Variants in ARHGEF1 observed in about 807,000 individuals in gnomAD.
ARHGEF1 encodes the protein 115 kDa guanine nucleotide exchange factor.
In ARHGEF1, 40 loss-of-function variants were observed where a neutral mutation model predicts 119.7. That is an observed-to-expected ratio of 0.33 (90% confidence interval 0.26 to 0.44). The LOEUF (loss-of-function observed/expected upper bound fraction) is 0.44. Ranked by LOEUF, ARHGEF1 falls within the 20% of genes least tolerant of loss-of-function variation. ARHGEF1 has a pLI of 1.00. For synonymous variants in ARHGEF1, 494 were observed against 521.0 expected (o/e 0.95, Z 0.71); for missense variants, 976 against 1,268.3 (o/e 0.77, Z 3.50).
At chr19:41,924,637 C>T (rs1277179687) in intron 1 of ARHGEF1, among the ~76,000 whole-genome samples, 1 of 152,050 alleles carries the variant, frequency 6.6e-6, no homozygotes, top group African/African-American at 2.4e-5. Flanking sequence ...ATACCTGGAC[C>T]AGGTGTTTCT....
Position 41,892,958 on chromosome 19 carries a change from G to A in ARHGEF1, c.614+109G>A. ...TGCAGGTTCCCTCTTCAGGGTCAGA[G>A]TTCATTTCTTGGCACTGGGGGTCTT... On this transcript the variant is annotated intron_variant, in intron 7 of 28. Coordinates refer to ENST00000354532, the MANE Select transcript of ARHGEF1 (RefSeq NM_004706.4). This position sits in a 1 kb window ranked among gnomAD's most constrained non-coding sequence, Gnocchi z 6.3. The A allele has an allele frequency of 7.1e-7, 1 of 1,406,408 alleles. No homozygotes were observed. Among genetic ancestry groups the A allele is most frequent in the Non-Finnish European group, 9.3e-7 (1 of 1,075,862 alleles). 87.1% of individuals were successfully genotyped at this position (1,406,408 alleles called of 1,614,324 possible).
chr19:41,915,463 C>T (rs2074795249), intron 18 of ARHGEF1, among the ~76,000 whole-genome samples: 1 of 151,892 alleles, frequency 6.6e-6, no homozygotes, highest in African/African-American at 2.4e-5. Flanking sequence ...GTTCCCACGT[C>T]GTCTCCACTT....
chr19:41,922,354 G>A (rs2074847405), upstream of ARHGEF1, among the ~76,000 whole-genome samples: 1 of 152,198 alleles, frequency 6.6e-6, no homozygotes, highest in African/African-American at 2.4e-5. Context: ...GGACAGAAAT[G>A]AGGAGGGCAA....
intron 14 of ARHGEF1, among the ~76,000 whole-genome samples, chr19:41,899,043 A>C (rs886573628): frequency 3.9e-5 from 6 of 152,194 alleles, no homozygotes; most frequent in African/African-American, 1.4e-4. Flanking sequence ...CTCAGGCTGG[A>C]GTGCAGTGGC....
chr19:41,913,164 T>G (rs1284487437), intron 18 of ARHGEF1, among the ~76,000 whole-genome samples: 1 of 145,332 alleles, frequency 6.9e-6, no homozygotes, highest in Non-Finnish European at 1.5e-5. Flanking sequence ...TCCCGCAGCC[T>G]CCTCCTCACT....
downstream of ARHGEF1, chr19:41,908,587 T>G: frequency 8.1e-7 from 1 of 1,231,334 alleles, no homozygotes. This position sits in a 1 kb window ranked among gnomAD's most constrained non-coding sequence, Gnocchi z 6.7. Context: ...AAGGGGCCCG[T>G]GAGGTACGGG....
In ARHGEF1 at chr19:41,917,073, C is replaced by T. The variant is rs1555852023; in HGVS notation, c.1866-6019C>T. Among the ~76,000 whole-genome samples, 2 of 152,150 alleles carry T rather than the reference C, an allele frequency of 1.3e-5. No individual in the cohort carries two copies. Among genetic ancestry groups the T allele is most frequent in the African/African-American group, 2.4e-5 (1 of 41,432 alleles). On this transcript the variant is annotated intron_variant, in intron 18 of 20. Coordinates refer to the ARHGEF1 transcript ENST00000599589. The surrounding 1 kb of genome is among the most constrained non-coding windows in gnomAD (Gnocchi z 4.8). The stretch of plus-strand genomic sequence containing the variant: ...TGTCTCAGACCTGCTTCTGTGACTG[C>T]CTCTCGAGACACAGGTCTCTCGGTC...
chr19:41,888,423 C>A lies in ARHGEF1; in HGVS notation c.111+145C>A. On this transcript the variant is annotated intron_variant, in intron 3 of 28. Coordinates refer to ENST00000354532, the MANE Select transcript of ARHGEF1 (RefSeq NM_004706.4). This position sits in a 1 kb window ranked among gnomAD's most constrained non-coding sequence, Gnocchi z 5.1. Reference sequence around the variant, plus strand: ...CTCCCTGGTACCTCCTTCCTCACCTCGCCGACCCCACACAGCAGCATAGAC... The same window carrying A: ...CTCCCTGGTACCTCCTTCCTCACCTAGCCGACCCCACACAGCAGCATAGAC... The A allele has an allele frequency of 1.3e-6, 1 of 786,180 alleles. No individual in the cohort carries two copies. The highest frequency in any genetic ancestry group is 2.0e-6 in the Non-Finnish European group (1 of 490,316). 48.7% of individuals were successfully genotyped at this position (786,180 alleles called of 1,614,324 possible).
Position 41,905,103 on chromosome 19 carries a change from G to A in ARHGEF1, c.2249+67G>A, listed in dbSNP as rs1408767742. 6 of 1,610,462 alleles carry A rather than the reference G, an allele frequency of 3.7e-6. No homozygotes were observed. Among genetic ancestry groups the A allele is most frequent in the Non-Finnish European group, 4.2e-6 (5 of 1,176,836 alleles). On this transcript the variant is annotated intron_variant, in intron 23 of 28. Transcript: ENST00000354532. This position sits in a 1 kb window ranked among gnomAD's most constrained non-coding sequence, Gnocchi z 6.4. ...CAGGTTTCTGGGTTCCCAGGGACAG[G>A]AGGGCTGTGGGGAGGCCCTGGCATA...
chr19:41,920,865 G>T (rs560124438), upstream of ARHGEF1, among the ~76,000 whole-genome samples: 1 of 152,344 alleles, frequency 6.6e-6, no homozygotes, highest in African/African-American at 2.4e-5. Flanking sequence ...GAGACAGAGA[G>T]GCCTGTGGGT....
At chr19:41,884,694 C>T (rs1183123708) in intron 1 of ARHGEF1, among the ~76,000 whole-genome samples, 1 of 152,160 alleles carries the variant, frequency 6.6e-6, no homozygotes, top group Non-Finnish European at 1.5e-5. Flanking sequence ...CCTGCCAGCC[C>T]CCCATGGAGA....
Position 41,906,580 on chromosome 19 carries a change from A to C in ARHGEF1, c.2615A>C (p.Glu872Ala), listed in dbSNP as rs1555850251. Reference sequence around the variant, plus strand: ...CCAGCACGGACCCAGGAAATCCAGGAGAACCTGCTCAGCTTGGAGGAGACC... The same window carrying C: ...CCAGCACGGACCCAGGAAATCCAGGCGAACCTGCTCAGCTTGGAGGAGACC... The part of the protein sequence containing the change: ...LSPARTQEIQ[E>A]NLLSLEETMK... The change falls in exon 27 of 29, where the codon GAG becomes GCG. Residue 872 changes from glutamate (E) to alanine (A), a missense_variant. This residue lies in a region of ARHGEF1 where 171 missense variants were observed against 180.6 expected (regional missense o/e 0.95). Transcript: ENST00000354532. This position sits in a 1 kb window ranked among gnomAD's most constrained non-coding sequence, Gnocchi z 4.5. 6.2e-7 allele frequency: 1 copy of C among 1,604,614 alleles called. No individual in the cohort carries two copies. The highest frequency in any genetic ancestry group is 8.5e-7 in the Non-Finnish European group (1 of 1,177,246).
chr19:41,897,346 G>A (rs781867501), intron 13 of ARHGEF1: 3 of 1,257,172 alleles, frequency 2.4e-6, no homozygotes, highest in Non-Finnish European at 3.1e-6. Context: ...TGGGCCCTGG[G>A]TGGGGGAAGG....
chr19:41,904,512 G>C lies in ARHGEF1; in HGVS notation c.2161+129G>C. On this transcript the variant is annotated intron_variant, in intron 22 of 28. Coordinates refer to ENST00000354532, the MANE Select transcript of ARHGEF1 (RefSeq NM_004706.4). The surrounding 1 kb of genome is among the most constrained non-coding windows in gnomAD (Gnocchi z 8.4). ...TTCTAGCAAAGAGGTTGAGAAGTAG[G>C]TGGAGGTGGGCAGGGCGGGGCCAGG... is the stretch of plus-strand genomic sequence containing the variant. The C allele has an allele frequency of 2.5e-6, 3 of 1,181,032 alleles. No individual in the cohort carries two copies. The highest frequency in any genetic ancestry group is 2.3e-6 in the Non-Finnish European group (2 of 864,812). The allele number at this position is 1,181,032 out of a possible 1,614,324, so 73.2% of individuals were successfully genotyped here.
Position 41,904,523 on chromosome 19 carries a change from C to T in ARHGEF1, c.2161+140C>T. 1 of 1,053,744 alleles carries T rather than the reference C, an allele frequency of 9.5e-7. No homozygotes were observed. The highest frequency in any genetic ancestry group is 1.3e-6 in the Non-Finnish European group (1 of 749,694). 65.3% of individuals were successfully genotyped at this position (1,053,744 alleles called of 1,614,324 possible). A position where few individuals can be genotyped will look rare whatever the true frequency, so the allele number is the denominator to read the frequency against. On this transcript the variant is annotated intron_variant, in intron 22 of 28. Transcript: ENST00000354532. This position sits in a 1 kb window ranked among gnomAD's most constrained non-coding sequence, Gnocchi z 8.4. ...AGGTTGAGAAGTAGGTGGAGGTGGG[C>T]AGGGCGGGGCCAGGCCTAGAGGGTT...
intron 13 of ARHGEF1, 133 bp from the exon 14 acceptor site, chr19:41,898,309 C>G: frequency 7.1e-7 from 1 of 1,405,362 alleles, no homozygotes; most frequent in Non-Finnish European, 9.6e-7. Flanking sequence ...ATCTAGAGAC[C>G]TGGTCTGCTG....
At position 41,902,294 on chromosome 19, in the gene ARHGEF1, A is replaced by T. The variant is rs1568822027; in HGVS notation, c.1435A>T (p.Met479Leu). 1 of 1,614,020 alleles carries T rather than the reference A, an allele frequency of 6.2e-7. No individual in the cohort carries two copies. Among genetic ancestry groups the T allele is most frequent in the Non-Finnish European group, 8.5e-7 (1 of 1,180,030 alleles). ...CACAGCCCTGTTCCTCGATCGCCTG[A>T]TGAAGCGGAGGCAGGAGAGTGGCTA... ...EVHSLFLDRL[M>L]KRRQESGYLI... Residue 479 changes from methionine to leucine, a missense_variant, in exon 16 of 29, where the codon ATG (methionine) becomes TTG (leucine). Physicochemically the swap from Met to Leu is conservative, Grantham distance 15 (BLOSUM62 2). Transcript: ENST00000354532. The surrounding 1 kb of genome is among the most constrained non-coding windows in gnomAD (Gnocchi z 6.5).
intron 13 of ARHGEF1, chr19:41,897,825 C>T (rs115867200): frequency 2.8e-6 from 3 of 1,070,132 alleles, no homozygotes; most frequent in African/African-American, 3.3e-5. Context: ...TCTGTCCCTG[C>T]CCTGGTCTCT....
upstream of ARHGEF1, among the ~76,000 whole-genome samples, chr19:41,921,086 G>T (rs1171935500): frequency 6.6e-6 from 1 of 152,174 alleles, no homozygotes; most frequent in African/African-American, 2.4e-5. The surrounding 1 kb of genome is among the most constrained non-coding windows in gnomAD (Gnocchi z 4.4). Flanking sequence ...GGTGGGAGCC[G>T]CAGTGCCACG....
Sources: gnomAD v4.1 joint callset for allele counts (sites outside exome capture counted in the v4.1 genomes callset) on GRCh38, gnomAD v4.1.1 for gene constraint, gnomAD v4.1.1 regional missense constraint, Gnocchi (gnomAD v3.1) non-coding constraint, MANE v1.5 for transcripts, NCBI Gene and HGNC (gene_info 2026-07-23, HGNC 2026-07-21) for gene names.